MICU1: variants seen among roughly 807,000 people sequenced by gnomAD.
MICU1 encodes the protein calcium uptake protein 1, mitochondrial.
Under a neutral mutation model 56.8 loss-of-function variants are expected in MICU1, and 45 were observed. The observed-to-expected ratio is 0.79, with a 90% CI of 0.62 to 1.02. MICU1 has a LOEUF of 1.02. MICU1 is among the 50% of genes least tolerant of loss of function. The probability of loss-of-function intolerance (pLI) is 0.00; values close to 1 mark genes in which losing one functional copy is unlikely to be tolerated. For missense variants in MICU1, 504 were observed against 587.1 expected (o/e 0.86, Z 1.46); for synonymous variants, 186 against 195.1 (o/e 0.95, Z 0.39).
rs776805865 is a variant in MICU1 at position 72,368,347 on chromosome 10, C to T, written c.1279G>A (p.Glu427Lys). 3.7e-5 allele frequency: 59 copies of T among 1,613,314 alleles called. No homozygotes were observed. Among genetic ancestry groups the T allele is most frequent in the Admixed American group, 5.0e-5 (3 of 59,992 alleles). Reference sequence around the variant, plus strand: ...GAAACAAATTCCTTATTGCTCAGTTCGCCATTGCCTAGAGGAAGAGGCAAA... The same window carrying T: ...GAAACAAATTCCTTATTGCTCAGTTTGCCATTGCCTAGAGGAAGAGGCAAA... ...FALFDCDGNGELSNKEFVSIM... is the reference protein window; with the variant it reads ...FALFDCDGNGKLSNKEFVSIM... Residue 427 changes from glutamate to lysine, a missense_variant, in exon 12 of 12, where the codon GAA (glutamate) becomes AAA (lysine). Transcript: ENST00000361114.
chr10:72,450,411 G>C (rs2132210190), intron 8 of MICU1, among the ~76,000 whole-genome samples: 1 of 151,984 alleles, frequency 6.6e-6, no homozygotes. Flanking sequence ...CCAAGCAAAA[G>C]ACAAGAATGG....
At chr10:72,401,829 C>T (rs1010566280) in intron 10 of MICU1, among the ~76,000 whole-genome samples, 3 of 152,162 alleles carry the variant, frequency 2.0e-5, no homozygotes, top group Non-Finnish European at 2.9e-5. Flanking sequence ...TCCTGCCTAA[C>T]TGAAGCTTTG....
intron 9 of MICU1, among the ~76,000 whole-genome samples, chr10:72,410,078 T>G (rs920519019): frequency 6.6e-6 from 1 of 152,256 alleles, no homozygotes; most frequent in African/African-American, 2.4e-5. Flanking sequence ...AAACCGTTGC[T>G]TAATTTTATC....
intron 6 of MICU1, among the ~76,000 whole-genome samples, chr10:72,488,422 G>A (rs943258003): frequency 9.9e-5 from 15 of 152,016 alleles, no homozygotes; most frequent in South Asian, 4.2e-4. Flanking sequence ...ATTTTAACAC[G>A]TCAGTATGGT....
intron 1 of MICU1, among the ~76,000 whole-genome samples, chr10:72,591,393 A>G (rs1353354291): frequency 3.9e-5 from 6 of 152,136 alleles, no homozygotes; most frequent in Admixed American, 3.9e-4. Flanking sequence ...GCAGAAATGA[A>G]TGAAAAAGAG....
chr10:72,428,851 C>T (rs975408130), intron 8 of MICU1, among the ~76,000 whole-genome samples: 4 of 152,090 alleles, frequency 2.6e-5, no homozygotes, highest in African/African-American at 9.7e-5. Flanking sequence ...CAAAAGGTTT[C>T]AAGGTTTGAT....
intron 10 of MICU1, among the ~76,000 whole-genome samples, chr10:72,392,944 TC>T (rs1863127261): frequency 6.6e-6 from 1 of 152,244 alleles, no homozygotes; most frequent in Non-Finnish European, 1.5e-5. Context: ...ATGCTAGTCT[TC>T]TGTGCACACC....
intron 9 of MICU1, among the ~76,000 whole-genome samples, chr10:72,413,223 CAAAA>C (rs1248361658): frequency 1.1e-4 from 15 of 132,468 alleles, no homozygotes; most frequent in African/African-American, 6.5e-4. Flanking sequence ...AAAACAAAAA[CAAAA>C]CAAAACAAAA....
intron 1 of MICU1, among the ~76,000 whole-genome samples, chr10:72,622,530 G>T (rs549691329): frequency 6.6e-6 from 1 of 152,274 alleles, no homozygotes; most frequent in Non-Finnish European, 1.5e-5. Flanking sequence ...GTGGTGCGCT[G>T]GAACTGTAGA....
intron 10 of MICU1, among the ~76,000 whole-genome samples, chr10:72,376,975 G>A (rs1322983719): frequency 6.6e-6 from 1 of 152,038 alleles, no homozygotes; most frequent in Non-Finnish European, 1.5e-5. Flanking sequence ...TCACGCCTTG[G>A]TGGGTGAATG....
chr10:72,551,719 A>G (rs1840040363), intron 3 of MICU1, among the ~76,000 whole-genome samples: 1 of 152,162 alleles, frequency 6.6e-6, no homozygotes, highest in South Asian at 2.1e-4. Context: ...ATGCCAACCT[A>G]TAGCTTCTTA....
At chr10:72,594,884 T>C (rs1409176702) in intron 1 of MICU1, among the ~76,000 whole-genome samples, 2 of 129,482 alleles carry the variant, frequency 1.5e-5, no homozygotes, top group Admixed American at 1.8e-4. Context: ...CATTCCAGCC[T>C]GGATGACAAA....
chr10:72,500,562 T>C (rs1296260560), intron 6 of MICU1, among the ~76,000 whole-genome samples: 3 of 151,840 alleles, frequency 2.0e-5, no homozygotes, highest in Non-Finnish European at 4.4e-5. Context: ...CCTCGAATGA[T>C]CTTCCTGCCT....
chr10:72,600,613 C>T (rs1385239083), intron 1 of MICU1, among the ~76,000 whole-genome samples: 13 of 142,192 alleles, frequency 9.1e-5, no homozygotes, highest in Non-Finnish European at 3.0e-5. Flanking sequence ...CATGCCATTG[C>T]ACTCCAGCCT....
At chr10:72,499,889 T>C in intron 6 of MICU1, among the ~76,000 whole-genome samples, 1 of 152,292 alleles carries the variant, frequency 6.6e-6, no homozygotes. Context: ...TGATCTGCTC[T>C]TGACTTCAGC....
Position 72,367,774 on chromosome 10 carries a change from T to C in MICU1, c.*421A>G, listed in dbSNP as rs1196462426. 1.2e-5 allele frequency: 2 copies of C among 161,628 alleles called. No homozygotes were observed. The highest frequency in any genetic ancestry group is 4.8e-5 in the African/African-American group (2 of 41,674). 10.0% of individuals were successfully genotyped at this position (161,628 alleles called of 1,614,324 possible). On this transcript the variant is annotated 3_prime_UTR_variant, in exon 12 of 12. Transcript: ENST00000361114. The stretch of plus-strand genomic sequence containing the variant: ...TCTGCCTGCCAGATATCTTCCCTAC[T>C]TGTGGCTTTAAAACACCAGCAGGAG...
At chr10:72,418,624 A>G (rs1414233182) in intron 9 of MICU1, among the ~76,000 whole-genome samples, 1 of 147,968 alleles carries the variant, frequency 6.8e-6, no homozygotes, top group Non-Finnish European at 1.5e-5. Context: ...AAAATTTAAT[A>G]CCACCACTAG....
intron 6 of MICU1, among the ~76,000 whole-genome samples, chr10:72,485,898 C>T (rs908052719): frequency 6.6e-5 from 10 of 151,122 alleles, no homozygotes; most frequent in South Asian, 2.1e-4. Flanking sequence ...CACACACACA[C>T]GCACACACAC....
intron 1 of MICU1, among the ~76,000 whole-genome samples, chr10:72,622,128 T>G (rs140435241): frequency 0.022 from 3,275 of 152,092 alleles, 119 homozygotes; most frequent in African/African-American, 0.075. Flanking sequence ...TTTCACCATG[T>G]TAGCCAGGAT....
Sources: gnomAD v4.1 joint callset for allele counts (sites outside exome capture counted in the v4.1 genomes callset) on GRCh38, gnomAD v4.1.1 for gene constraint, MANE v1.5 for transcripts, NCBI Gene and HGNC (gene_info 2026-07-23, HGNC 2026-07-21) for gene names.